Variants in FRMD4A observed in about 807,000 individuals in gnomAD.
FRMD4A encodes FERM domain-containing protein 4A.
A neutral mutation model predicts 129.1 loss-of-function variants in FRMD4A; 29 were observed. That is an observed-to-expected ratio of 0.22 (90% CI 0.17 to 0.31). FRMD4A has a LOEUF of 0.31. FRMD4A is among the 10% of genes least tolerant of loss of function. FRMD4A has a pLI of 1.00. For missense variants in FRMD4A, 1,272 were observed against 1,375.8 expected (o/e 0.92, Z 1.19); for synonymous variants, 634 against 571.6 (o/e 1.11, Z -1.56).
chr10:14,269,651 A>G (rs1274151002), intron 2 of FRMD4A, among the ~76,000 whole-genome samples: 1 of 152,118 alleles, frequency 6.6e-6, no homozygotes, highest in Admixed American at 6.6e-5. Flanking sequence ...CCATGATTAG[A>G]CCGGGTCCAC....
At chr10:14,093,680 A>C (rs930334664) in intron 2 of FRMD4A, among the ~76,000 whole-genome samples, 3 of 129,350 alleles carry the variant, frequency 2.3e-5, no homozygotes, top group African/African-American at 8.4e-5. Flanking sequence ...TATGAATAAA[A>C]TTATCAGCAG....
At position 13,657,133 on chromosome 10, in the gene FRMD4A, CCGCCCCCCGCGCCCCCCG is replaced by C. The variant is rs556055601; in HGVS notation, c.2438_2455del (p.Ala813_Gly818del). 363 of 1,504,812 alleles carry C rather than the reference CCGCCCCCCGCGCCCCCCG, an allele frequency of 2.4e-4. No individual in the cohort carries two copies. Among genetic ancestry groups the C allele is most frequent in the Middle Eastern group, 1.3e-3 (7 of 5,250 alleles). The allele number at this position is 1,504,812 out of a possible 1,614,324, so 93.2% of individuals were successfully genotyped here. On this transcript the variant is annotated inframe_deletion, in exon 22 of 25. Coordinates refer to ENST00000357447, the MANE Select transcript of FRMD4A (RefSeq NM_018027.5). ...CTGGCTCTGGCTGTGCAGGTACACA[CCGCCCCCCGCGCCCCCCG>C]CGCCCCCCGCACCCCCGCGCGCCGC...
intron 2 of FRMD4A, among the ~76,000 whole-genome samples, chr10:14,309,540 G>A (rs1293619104): frequency 1.3e-5 from 2 of 152,120 alleles, no homozygotes; most frequent in Non-Finnish European, 2.9e-5. Context: ...CAGAGGTTAA[G>A]GCTCTGAAAC....
At chr10:14,264,971 C>T (rs945417343) in intron 2 of FRMD4A, among the ~76,000 whole-genome samples, 3 of 151,980 alleles carry the variant, frequency 2.0e-5, no homozygotes, top group Non-Finnish European at 2.9e-5. Flanking sequence ...TTAGTAGAGA[C>T]GGGGGTTTCA....
At chr10:14,301,799 A>G (rs1453398980) in intron 2 of FRMD4A, among the ~76,000 whole-genome samples, 1 of 152,212 alleles carries the variant, frequency 6.6e-6, no homozygotes, top group Non-Finnish European at 1.5e-5. Flanking sequence ...AAAATTTGAC[A>G]CTGCAATTCA....
intron 2 of FRMD4A, among the ~76,000 whole-genome samples, chr10:13,874,573 G>C (rs1358536208): frequency 2.6e-5 from 4 of 152,124 alleles, no homozygotes; most frequent in African/African-American, 9.7e-5. Context: ...GGAAGGTATT[G>C]TAACAACTAT....
chr10:13,731,708 T>C (rs905445130), intron 12 of FRMD4A, among the ~76,000 whole-genome samples: 15 of 152,044 alleles, frequency 9.9e-5, no homozygotes, highest in African/African-American at 3.6e-4. Flanking sequence ...AGGGTTCTGC[T>C]TGACCTCTTA....
At chr10:14,295,585 C>T (rs1564447160) in intron 2 of FRMD4A, among the ~76,000 whole-genome samples, 1 of 152,220 alleles carries the variant, frequency 6.6e-6, no homozygotes, top group East Asian at 1.9e-4. Context: ...ATGCTAAGGG[C>T]ATTGTCTGGA....
In FRMD4A at chr10:13,677,090, A is replaced by G. The variant is rs73590418; in HGVS notation, c.1118-2046T>C. Among the ~76,000 whole-genome samples the G allele has an allele frequency of 3.8e-3, 583 of 152,300 alleles. 2 individuals are homozygous for G. Among genetic ancestry groups the G allele is most frequent in the African/African-American group, 0.013 (559 of 41,558 alleles). On this transcript the variant is annotated intron_variant, in intron 15 of 24. Coordinates refer to ENST00000357447, the MANE Select transcript of FRMD4A (RefSeq NM_018027.5). ...TCACTTAAATTGTCCCCATAAATAT[A>G]CTATTCTTCTATTTAACGTCTCTGA...
Position 13,740,263 on chromosome 10 carries a change from A to G in FRMD4A, c.615-12T>C. 6.3e-7 allele frequency: 1 copy of G among 1,577,732 alleles called. No homozygotes were observed. The highest frequency in any genetic ancestry group is 8.7e-7 in the Non-Finnish European group (1 of 1,146,828). ...CGATGCTCATGTAGCTGGAATGACA[A>G]CACGAAGATACACAAACACACACAC... On this transcript the variant is annotated splice_polypyrimidine_tract_variant and intron_variant, in intron 10 of 24. Transcript: ENST00000357447.
In FRMD4A at chr10:14,062,173, C is replaced by T. The variant is rs148877447; in HGVS notation, c.46-203261G>A. Among the ~76,000 whole-genome samples the T allele has an allele frequency of 5.4e-4, 82 of 152,160 alleles. 1 individual carries two copies. In the East Asian group the frequency reaches 0.014, roughly 27 times the overall value. On this transcript the variant is annotated intron_variant, in intron 2 of 24. Transcript: ENST00000357447. Reference sequence around the variant, plus strand: ...CCTTCAAAAAGAAGTTGGTTAAATACGTGGTTAAGTATTTCACTGTTACAG... The same window carrying T: ...CCTTCAAAAAGAAGTTGGTTAAATATGTGGTTAAGTATTTCACTGTTACAG...
intron 2 of FRMD4A, among the ~76,000 whole-genome samples, chr10:13,904,831 A>AAAAAATAC (rs1161998504): frequency 6.6e-6 from 1 of 151,904 alleles, no homozygotes; most frequent in African/African-American, 2.4e-5. Context: ...TGTCTCTACT[A>AAAAAATAC]AAAAATACAA....
intron 23 of FRMD4A, 110 bp downstream of exon 23, chr10:13,654,306 T>A (rs758950354): frequency 1.3e-6 from 1 of 793,236 alleles, no homozygotes; most frequent in Non-Finnish European, 2.3e-6. Context: ...CACCTCCCAG[T>A]GATGAACCCT....
At chr10:13,875,976 AC>A (rs1314135246) in intron 2 of FRMD4A, among the ~76,000 whole-genome samples, 1 of 152,206 alleles carries the variant, frequency 6.6e-6, no homozygotes, top group East Asian at 1.9e-4. Context: ...CAAAAAATAG[AC>A]CCAATGAGGG....
intron 12 of FRMD4A, among the ~76,000 whole-genome samples, chr10:13,714,077 T>G (rs2134942529): frequency 1.6e-5 from 2 of 123,512 alleles, no homozygotes; most frequent in Admixed American, 1.8e-4. Context: ...ACTTTTTTTT[T>G]GAGACACAGT....
intron 6 of FRMD4A, among the ~76,000 whole-genome samples, chr10:13,782,448 CTT>C (rs66527369): frequency 3.9e-3 from 524 of 136,038 alleles, no homozygotes; most frequent in Admixed American, 9.7e-3. Context: ...ATTATTATTC[CTT>C]TTTTTTTTTT....
chr10:14,175,430 C>G (rs1229741300), intron 2 of FRMD4A, among the ~76,000 whole-genome samples: 2 of 152,068 alleles, frequency 1.3e-5, no homozygotes, highest in African/African-American at 4.8e-5. Flanking sequence ...TCTTCTCCTC[C>G]CGTTCACACA....
chr10:13,684,715 T>G, intron 15 of FRMD4A: 3 of 985,294 alleles, frequency 3.0e-6, no homozygotes, highest in Non-Finnish European at 3.6e-6. Flanking sequence ...GAGGGGATAT[T>G]GATGACCAGC....
chr10:13,666,579 G>C (rs1175130140), intron 17 of FRMD4A, among the ~76,000 whole-genome samples: 1 of 152,228 alleles, frequency 6.6e-6, no homozygotes, highest in African/African-American at 2.4e-5. Context: ...CCACGATGCA[G>C]GTTTAGGGAT....
Sources: allele counts gnomAD v4.1 joint callset (sites outside exome capture counted in the v4.1 genomes callset), GRCh38; gene constraint gnomAD v4.1.1; transcripts MANE v1.5; gene names NCBI Gene and HGNC (gene_info 2026-07-23, HGNC 2026-07-21).